Variants in PPP2R5C observed in about 807,000 individuals in gnomAD.
The protein encoded by PPP2R5C is serine/threonine-protein phosphatase 2A 56 kDa regulatory subunit gamma isoform.
A neutral mutation model predicts 68.9 loss-of-function variants in PPP2R5C; 7 were observed. That is an observed-to-expected ratio of 0.10 (90% CI 0.06 to 0.19). The LOEUF (loss-of-function observed/expected upper bound fraction) is 0.19. Among genes scored for constraint, PPP2R5C ranks in the 10% least tolerant of loss-of-function variants. PPP2R5C has a pLI of 1.00. For missense variants in PPP2R5C, 348 were observed against 641.3 expected (o/e 0.54, Z 4.94); for synonymous variants, 210 against 222.2 (o/e 0.95, Z 0.49).
At chr14:101,907,991 G>T (rs2046153497) in intron 10 of PPP2R5C, among the ~76,000 whole-genome samples, 1 of 152,216 alleles carries the variant, frequency 6.6e-6, no homozygotes, top group South Asian at 2.1e-4. Flanking sequence ...GAGAAGGGCA[G>T]GCAGATCAGA....
At chr14:101,895,477 T>C (rs1054512254) in intron 8 of PPP2R5C, among the ~76,000 whole-genome samples, 1 of 152,124 alleles carries the variant, frequency 6.6e-6, no homozygotes, top group African/African-American at 2.4e-5. Flanking sequence ...AACTCTCCGT[T>C]CTCCCTCCCT....
chr14:101,867,163 G>C (rs1411977633), intron 2 of PPP2R5C, among the ~76,000 whole-genome samples: 1 of 151,870 alleles, frequency 6.6e-6, no homozygotes, highest in East Asian at 1.9e-4. Context: ...GTTGCAGTAA[G>C]CTGAGATCAT....
chr14:101,853,395 G>A (rs2042263411), intron 1 of PPP2R5C, among the ~76,000 whole-genome samples: 1 of 152,154 alleles, frequency 6.6e-6, no homozygotes, highest in East Asian at 1.9e-4. Context: ...CTGTCTGGAA[G>A]CCTAGAAGAA....
At chr14:101,846,349 C>G (rs535990281) in intron 1 of PPP2R5C, among the ~76,000 whole-genome samples, 1 of 151,316 alleles carries the variant, frequency 6.6e-6, no homozygotes, top group Non-Finnish European at 1.5e-5. Context: ...TAAAGAATTA[C>G]CAAAAAAAGA....
At chr14:101,761,815 A>G, upstream of PPP2R5C, 6 of 910,710 alleles carry the variant, frequency 6.6e-6, 1 homozygote, top group African/African-American at 5.5e-5. Flanking sequence ...CGGGGGCGCG[A>G]CGGCCGGGGC....
intron 2 of PPP2R5C, among the ~76,000 whole-genome samples, chr14:101,870,617 G>A (rs945925184): frequency 6.6e-6 from 1 of 152,142 alleles, no homozygotes; most frequent in Non-Finnish European, 1.5e-5. Context: ...TTTGAAAATT[G>A]TTTTGACTAT....
intron 9 of PPP2R5C, among the ~76,000 whole-genome samples, chr14:101,903,508 C>T (rs2045836360): frequency 6.6e-6 from 1 of 152,200 alleles, no homozygotes; most frequent in African/African-American, 2.4e-5. Context: ...TGCCAGGACC[C>T]ACTCAGGCCT....
At chr14:101,841,195 T>C (rs2041447555) in intron 1 of PPP2R5C, among the ~76,000 whole-genome samples, 1 of 152,102 alleles carries the variant, frequency 6.6e-6, no homozygotes, top group Admixed American at 6.5e-5. Context: ...GAGTTGGGAC[T>C]CCAGCTGGGC....
At chr14:101,893,166 C>A in intron 7 of PPP2R5C, 58 bp downstream of exon 9, 1 of 1,206,316 alleles carries the variant, frequency 8.3e-7, no homozygotes, top group Non-Finnish European at 1.2e-6. Context: ...GGATTGAACA[C>A]GAGATAGTGA....
chr14:101,898,059 C>G (rs1174761728), intron 8 of PPP2R5C, among the ~76,000 whole-genome samples: 1 of 151,932 alleles, frequency 6.6e-6, no homozygotes. Context: ...ACTCGAGAGG[C>G]CGAGGTGGAA....
Position 101,916,166 on chromosome 14 carries a change from A to G in PPP2R5C, c.1327-1665A>G, listed in dbSNP as rs559785686. Among the ~76,000 whole-genome samples the G allele has an allele frequency of 6.6e-6, 1 of 152,198 alleles. No individual in the cohort carries two copies. The highest frequency in any genetic ancestry group is 6.5e-5 in the Admixed American group (1 of 15,284). ...TGCATTTTTGCAAGCTCTTTGGCGC[A>G]GCATGGATGGAGTGCTGGGGCTGTC... On this transcript the variant is annotated intron_variant, in intron 12 of 13. Coordinates refer to ENST00000334743, the Ensembl canonical transcript of PPP2R5C. The surrounding 1 kb of genome is among the most constrained non-coding windows in gnomAD (Gnocchi z 5.5).
intron 13 of PPP2R5C, among the ~76,000 whole-genome samples, chr14:101,922,488 CAA>C (rs1241537926): frequency 3.0e-5 from 3 of 99,872 alleles, no homozygotes; most frequent in Non-Finnish European, 5.4e-5. Flanking sequence ...GACTCTGTGT[CAA>C]AAATAAATAT....
At chr14:101,902,523 G>A (rs143871456) in intron 9 of PPP2R5C, among the ~76,000 whole-genome samples, 171 of 152,200 alleles carry the variant, frequency 1.1e-3, no homozygotes, top group African/African-American at 3.9e-3. Flanking sequence ...ATCATTGAGC[G>A]GATTTTATTG....
chr14:101,825,848 G>A lies in PPP2R5C; in HGVS notation c.94+15812G>A, dbSNP rs1272753260. Reference sequence around the variant, plus strand: ...AAATTTAAGAAGGAAGTTGGGGAAGGTAGGACCTCATGGCTTTGGTTTTTC... The same window carrying A: ...AAATTTAAGAAGGAAGTTGGGGAAGATAGGACCTCATGGCTTTGGTTTTTC... On this transcript the variant is annotated intron_variant, in intron 1 of 13. Coordinates refer to ENST00000334743, the Ensembl canonical transcript of PPP2R5C. This position sits in a 1 kb window ranked among gnomAD's most constrained non-coding sequence, Gnocchi z 4.0. 2.0e-5 allele frequency among the ~76,000 whole-genome samples: 3 copies of A among 152,300 alleles called. No individual in the cohort carries two copies. The highest frequency in any genetic ancestry group is 7.2e-5 in the African/African-American group (3 of 41,554).
chr14:101,851,205 G>A (rs1352989130), intron 1 of PPP2R5C, among the ~76,000 whole-genome samples: 1 of 152,198 alleles, frequency 6.6e-6, no homozygotes, highest in African/African-American at 2.4e-5. Flanking sequence ...GCTGAGGCAG[G>A]AGGATCACTT....
At chr14:101,903,542 A>G (rs780704878) in intron 9 of PPP2R5C, among the ~76,000 whole-genome samples, 72 of 151,354 alleles carry the variant, frequency 4.8e-4, no homozygotes, top group Non-Finnish European at 9.6e-4. Context: ...CAGCCCCCCA[A>G]CTCGCCCTCG....
intron 1 of PPP2R5C, among the ~76,000 whole-genome samples, chr14:101,828,516 A>C (rs1435060280): frequency 6.6e-6 from 1 of 152,152 alleles, no homozygotes; most frequent in Non-Finnish European, 1.5e-5. Flanking sequence ...GATACTCTGT[A>C]TGCTTGTACA....
At chr14:101,761,790 C>CAGG, upstream of PPP2R5C, 1 of 911,298 alleles carries the variant, frequency 1.1e-6, no homozygotes, top group South Asian at 5.2e-5. Context: ...CGGGCGGCGG[C>CAGG]GGCGGCGGCG....
chr14:101,859,875 A>G (rs2042652454), intron 2 of PPP2R5C, among the ~76,000 whole-genome samples: 1 of 149,792 alleles, frequency 6.7e-6, no homozygotes, highest in African/African-American at 2.5e-5. Context: ...GGGGGTGTGT[A>G]TATTTTGGTC....
Sources: allele counts gnomAD v4.1 joint callset (sites outside exome capture counted in the v4.1 genomes callset), GRCh38; gene constraint gnomAD v4.1.1; non-coding constraint Gnocchi (gnomAD v3.1); transcripts MANE v1.5; gene names NCBI Gene and HGNC (gene_info 2026-07-23, HGNC 2026-07-21).